Variants in SEC13 observed in about 807,000 individuals in gnomAD.
The protein encoded by SEC13 is protein SEC13 homolog.
SEC13 carries 25 observed loss-of-function variants against 49.2 expected under a neutral mutation model. The observed-to-expected ratio is 0.51, with a 90% CI of 0.37 to 0.71. The LOEUF (loss-of-function observed/expected upper bound fraction) is 0.71, where lower values mean the gene tolerates loss of function less well. Ranked by LOEUF, SEC13 falls within the 30% of genes least tolerant of loss-of-function variation. The pLI, the probability that SEC13 is intolerant of heterozygous loss-of-function variation, is 0.00. For missense variants in SEC13, 383 were observed against 417.6 expected, an observed-to-expected ratio of 0.92 and a Z score of 0.72; for synonymous variants, 148 against 163.9, an observed-to-expected ratio of 0.90 and a Z score of 0.74.
chr3:10,315,267 G>A (rs1701528733), intron 3 of SEC13, 54 bp downstream of exon 3: 1 of 1,299,338 alleles, frequency 7.7e-7, no homozygotes, highest in South Asian at 1.2e-5. Context: ...TTGAAGCAGG[G>A]CCTGAGAACC....
At chr3:10,303,695 T>C (rs1030082947) in intron 8 of SEC13, 4 of 395,524 alleles carry the variant, frequency 1.0e-5, no homozygotes, top group African/African-American at 2.0e-5. Flanking sequence ...CTTGCCTTTT[T>C]GGCACAGCTA....
intron 8 of SEC13, chr3:10,303,825 C>T: frequency 1.6e-6 from 1 of 614,380 alleles, no homozygotes; most frequent in Non-Finnish European, 2.9e-6. Context: ...CTTCTTTCCT[C>T]ATCTGTGAAA....
At chr3:10,318,184 CTCAT>C (rs201966583) in intron 1 of SEC13, 90 bp from the exon 2 acceptor site, 224 of 845,348 alleles carry the variant, frequency 2.6e-4, no homozygotes, top group Middle Eastern at 8.0e-4. Context: ...TGTTCACTCA[CTCAT>C]TCATTCATTC....
intron 6 of SEC13, 28 bp from the exon 7 acceptor site, chr3:10,305,184 G>C (rs371097080): frequency 6.3e-7 from 1 of 1,587,694 alleles, no homozygotes; most frequent in Non-Finnish European, 8.6e-7. Flanking sequence ...AAGAGAATCA[G>C]CAGGGGGCCG....
At chr3:10,302,064 C>T (rs1318590139) in intron 8 of SEC13, among the ~76,000 whole-genome samples, 3 of 151,886 alleles carry the variant, frequency 2.0e-5, no homozygotes, top group Non-Finnish European at 4.4e-5. Flanking sequence ...CTGGTGAAAC[C>T]CCATCTCATC....
Position 10,311,889 on chromosome 3 carries a change from A to G in SEC13, c.450+76T>C, listed in dbSNP as rs559879477. ...TGTCCAGCGGGGACCCTCCCGTGCCACCCTCTAGGGAGGCTGCAGCAGACA... is the reference window on the plus strand; with the variant it reads ...TGTCCAGCGGGGACCCTCCCGTGCCGCCCTCTAGGGAGGCTGCAGCAGACA... On this transcript the variant is annotated intron_variant, in intron 5 of 8. Transcript: ENST00000350697. The G allele has an allele frequency of 1.2e-5, 19 of 1,613,190 alleles. No individual in the cohort carries two copies. In the African/African-American group the frequency reaches 2.1e-4, roughly 18 times the overall value.
chr3:10,320,984 G>A, intron 1 of SEC13, 66 bp downstream of exon 1: 4 of 1,602,124 alleles, frequency 2.5e-6, no homozygotes, highest in East Asian at 2.3e-5. Context: ...CAGGACGGCC[G>A]AGGAACCCGT....
intron 4 of SEC13, 133 bp downstream of exon 4, chr3:10,312,446 C>A (rs1701334076): frequency 2.7e-6 from 3 of 1,125,672 alleles, no homozygotes; most frequent in Non-Finnish European, 3.8e-6. Flanking sequence ...GACAGAGTAG[C>A]AGAAAAGCCA....
At chr3:10,303,987 C>T (rs1379833399) in intron 8 of SEC13, 39 bp downstream of exon 8, 12 of 1,611,246 alleles carry the variant, frequency 7.4e-6, no homozygotes, top group Non-Finnish European at 1.0e-5. Context: ...TGAAGACCAA[C>T]AGGCTGTGTC....
chr3:10,314,122 C>CT (rs60825990), intron 3 of SEC13, among the ~76,000 whole-genome samples: 49 of 149,576 alleles, frequency 3.3e-4, no homozygotes, highest in South Asian at 6.3e-4. Context: ...CAGTAATCAA[C>CT]TTTTTTTTTT....
At chr3:10,303,897 T>C in intron 8 of SEC13, 129 bp downstream of exon 8, 1 of 945,674 alleles carries the variant, frequency 1.1e-6, no homozygotes, top group Middle Eastern at 2.1e-4. Context: ...AGAGGCACAC[T>C]CAAAACGCAG....
In SEC13 at chr3:10,310,245, C is replaced by T. The variant is rs373338897; in HGVS notation, c.450+1720G>A. Among the ~76,000 whole-genome samples, 48 of 152,262 alleles carry T rather than the reference C, an allele frequency of 3.2e-4. No individual in the cohort carries two copies. In the South Asian group the frequency reaches 7.0e-3, roughly 22 times the overall value. ...GTGGCTTACACCTGTAATCCCAGCA[C>T]TTTGGGAGGCTGAGGTGGGCGGATC... On this transcript the variant is annotated intron_variant, in intron 5 of 8. Transcript: ENST00000350697.
chr3:10,303,333 A>G (rs1034272920), intron 8 of SEC13, among the ~76,000 whole-genome samples: 26 of 152,252 alleles, frequency 1.7e-4, no homozygotes, highest in African/African-American at 6.0e-4. Flanking sequence ...GCGGCGTTAG[A>G]GATCCTCTGT....
rs544322436 is a variant in SEC13, at chr3:10,310,922, TG to T, written c.450+1042del. On this transcript the variant is annotated intron_variant, in intron 5 of 8. Transcript: ENST00000350697. ...TACACGCTATGATATGGATGAAACT[TG>T]AACTCATTATAGTAAGTAGGAGAAG... Among the ~76,000 whole-genome samples, 281 of 152,236 alleles carry T rather than the reference TG, an allele frequency of 1.8e-3. 1 individual carries two copies. Among genetic ancestry groups the T allele is most frequent in the African/African-American group, 6.5e-3 (271 of 41,528 alleles).
intron 8 of SEC13, 83 bp downstream of exon 8, chr3:10,303,943 T>C (rs752250468): frequency 8.7e-6 from 13 of 1,491,622 alleles, no homozygotes; most frequent in Admixed American, 1.7e-5. Flanking sequence ...TGCAGTCAGA[T>C]GGGAATGTCA....
intron 5 of SEC13, among the ~76,000 whole-genome samples, chr3:10,306,710 G>T (rs1411056385): frequency 6.6e-6 from 1 of 152,218 alleles, no homozygotes; most frequent in Non-Finnish European, 1.5e-5. Flanking sequence ...TTCCCATGCT[G>T]TTCTCATGAT....
At chr3:10,308,864 T>C (rs1701062411) in intron 5 of SEC13, among the ~76,000 whole-genome samples, 1 of 143,902 alleles carries the variant, frequency 6.9e-6, no homozygotes. Flanking sequence ...ACTCCTGGCC[T>C]CAAACAGGAG....
At chr3:10,308,429 A>C (rs1408650732) in intron 5 of SEC13, among the ~76,000 whole-genome samples, 1 of 152,190 alleles carries the variant, frequency 6.6e-6, no homozygotes, top group Non-Finnish European at 1.5e-5. Flanking sequence ...TATTGCTCGC[A>C]GTATTTCCAA....
intron 1 of SEC13, 57 bp downstream of exon 1, chr3:10,320,993 G>A: frequency 6.2e-7 from 1 of 1,604,242 alleles, no homozygotes; most frequent in Non-Finnish European, 8.5e-7. Flanking sequence ...CGAGGAACCC[G>A]TGAAGGCCGC....
Sources: gnomAD v4.1 joint callset for allele counts (sites outside exome capture counted in the v4.1 genomes callset) on GRCh38, gnomAD v4.1.1 for gene constraint, MANE v1.5 for transcripts, NCBI Gene and HGNC (gene_info 2026-07-23, HGNC 2026-07-21) for gene names.